CFAP43: variants seen among roughly 807,000 people sequenced by gnomAD.
CFAP43 encodes cilia- and flagella-associated protein 43.
In CFAP43, 155 loss-of-function variants were observed where a neutral mutation model predicts 218.9. That is an observed-to-expected ratio of 0.71 (90% confidence interval 0.62 to 0.81). CFAP43 has a LOEUF of 0.81. Among genes scored for constraint, CFAP43 ranks in the 30% least tolerant of loss-of-function variants. The probability of loss-of-function intolerance (pLI) is 0.00; values close to 1 mark genes in which losing one functional copy is unlikely to be tolerated. For synonymous variants in CFAP43, 645 were observed against 681.3 expected (o/e 0.95, Z 0.83); for missense variants, 1,778 against 1,954.3 (o/e 0.91, Z 1.70).
At position 104,203,818 on chromosome 10, in the gene CFAP43, G is replaced by C; in HGVS notation, c.964-15C>G. The C allele has an allele frequency of 1.3e-6, 2 of 1,582,688 alleles. No homozygotes were observed. The highest frequency in any genetic ancestry group is 1.7e-6 in the Non-Finnish European group (2 of 1,168,530). On this transcript the variant is annotated splice_polypyrimidine_tract_variant and intron_variant, in intron 7 of 37. Coordinates refer to ENST00000357060, the MANE Select transcript of CFAP43 (RefSeq NM_025145.7). ...ACAAAGCCATCCTAGAGATGAGTGAGATAAACATAGAAAATCAGTCTTAGT... is the reference window on the plus strand; with the variant it reads ...ACAAAGCCATCCTAGAGATGAGTGACATAAACATAGAAAATCAGTCTTAGT...
chr10:104,164,381 T>A, intron 23 of CFAP43, 81 bp from the exon 24 acceptor site: 14 of 1,082,788 alleles, frequency 1.3e-5, no homozygotes, highest in African/African-American at 1.6e-5. Flanking sequence ...ATACTTTCCC[T>A]CTAAAATCAT....
intron 12 of CFAP43, among the ~76,000 whole-genome samples, chr10:104,188,667 C>G (rs1359986713): frequency 6.6e-6 from 1 of 152,138 alleles, no homozygotes; most frequent in Non-Finnish European, 1.5e-5. Context: ...CCTTCCCAGC[C>G]AGGGTGGCCC....
At chr10:104,179,501 T>A (rs2089749442) in intron 18 of CFAP43, among the ~76,000 whole-genome samples, 1 of 152,182 alleles carries the variant, frequency 6.6e-6, no homozygotes, top group Non-Finnish European at 1.5e-5. Flanking sequence ...CTTCCCCTGT[T>A]CCTGGTCCAC....
intron 28 of CFAP43, among the ~76,000 whole-genome samples, chr10:104,152,188 C>T (rs1312607051): frequency 6.6e-6 from 1 of 152,084 alleles, no homozygotes; most frequent in African/African-American, 2.4e-5. Context: ...CCTCATGGAG[C>T]ATCTAGTCTT....
In CFAP43 at chr10:104,164,162, C is replaced by T; in HGVS notation, c.3178G>A (p.Ala1060Thr). The change falls in exon 24 of 38, where the codon GCA becomes ACA. Residue 1060 changes from alanine to threonine, a missense_variant. By Grantham distance (58) the Ala-to-Thr change is moderately conservative. Transcript: ENST00000357060. ...TCTTCAAATTCTGGTTGCCAGACTGCTTCTTCCAATTCCAGATCTAAAATA... is the reference window on the plus strand; with the variant it reads ...TCTTCAAATTCTGGTTGCCAGACTGTTTCTTCCAATTCCAGATCTAAAATA... ...EIILDLELEE[A>T]VWQPEFEDCE... 1 of 1,614,214 alleles carries T rather than the reference C, an allele frequency of 6.2e-7. No homozygotes were observed. The highest frequency in any genetic ancestry group is 8.5e-7 in the Non-Finnish European group (1 of 1,180,034).
In CFAP43 at chr10:104,147,083, C is replaced by T. The variant is rs115382288; in HGVS notation, c.3769-734G>A. ...CCAAGCTCTGAATAAACAGCATCTG[C>T]TCATTTGCATTTGGATGTTCTTCAC... On this transcript the variant is annotated intron_variant, in intron 29 of 37. Coordinates refer to ENST00000357060, the MANE Select transcript of CFAP43 (RefSeq NM_025145.7). 3.2e-3 allele frequency among the ~76,000 whole-genome samples: 479 copies of T among 152,052 alleles called. 2 individuals carry two copies. The highest frequency in any genetic ancestry group is 0.011 in the African/African-American group (455 of 41,472).
chr10:104,172,660 C>T, intron 19 of CFAP43, 125 bp from the exon 20 acceptor site: 3 of 813,294 alleles, frequency 3.7e-6, no homozygotes, highest in South Asian at 2.2e-5. Context: ...AAATGTACTA[C>T]TAAGTAAATA....
intron 3 of CFAP43, among the ~76,000 whole-genome samples, chr10:104,225,085 C>T (rs1353372569): frequency 6.6e-6 from 1 of 152,144 alleles, no homozygotes; most frequent in Non-Finnish European, 1.5e-5. Context: ...ACAACAATTA[C>T]TTTAAACTGA....
At chr10:104,147,775 G>A (rs1228080944) in intron 29 of CFAP43, 116 bp downstream of exon 29, 2 of 571,750 alleles carry the variant, frequency 3.5e-6, no homozygotes, top group Non-Finnish European at 2.8e-6. Flanking sequence ...GATGCACATG[G>A]TTATGTAGGA....
At chr10:104,227,939 C>T (rs747012326) in intron 2 of CFAP43, among the ~76,000 whole-genome samples, 5 of 145,376 alleles carry the variant, frequency 3.4e-5, no homozygotes, top group Non-Finnish European at 6.0e-5. Flanking sequence ...CTCCGCCTCC[C>T]GGGTTCAAGC....
chr10:104,137,530 G>A (rs530751232), intron 34 of CFAP43, among the ~76,000 whole-genome samples: 3 of 152,256 alleles, frequency 2.0e-5, no homozygotes, highest in Non-Finnish European at 2.9e-5. Flanking sequence ...TTCTGAGGCC[G>A]GGTGGGGTGC....
chr10:104,144,113 T>A (rs117033295), intron 31 of CFAP43, among the ~76,000 whole-genome samples: 1,612 of 152,298 alleles, frequency 0.011, 14 homozygotes, highest in Admixed American at 0.019. Flanking sequence ...ACTATCAAGA[T>A]GCTTTACAGT....
At chr10:104,134,743 C>A (rs1216217505) in intron 34 of CFAP43, among the ~76,000 whole-genome samples, 1 of 151,832 alleles carries the variant, frequency 6.6e-6, no homozygotes, top group Non-Finnish European at 1.5e-5. Context: ...TATCAAAAAC[C>A]TCCCAAAAAA....
chr10:104,177,939 C>A (rs1332483315), intron 19 of CFAP43, among the ~76,000 whole-genome samples: 2 of 152,150 alleles, frequency 1.3e-5, no homozygotes, highest in Non-Finnish European at 2.9e-5. Flanking sequence ...CTCTCATGTA[C>A]CCTTTCTCAA....
chr10:104,167,786 G>C, intron 21 of CFAP43, 49 bp from the exon 22 acceptor site: 1 of 1,418,282 alleles, frequency 7.1e-7, no homozygotes, highest in Non-Finnish European at 9.7e-7. Context: ...TAGTATAATT[G>C]TGTGTATCTG....
chr10:104,226,926 G>A (rs2091318526), intron 2 of CFAP43, among the ~76,000 whole-genome samples: 3 of 152,036 alleles, frequency 2.0e-5, no homozygotes, highest in African/African-American at 7.3e-5. Flanking sequence ...GCTGAGGCAG[G>A]CGAATCGCTT....
chr10:104,143,526 T>C lies in CFAP43; in HGVS notation c.4058A>G (p.Asp1353Gly). Residue 1353 changes from aspartate (D) to glycine (G), a missense_variant, in exon 32 of 38, where the codon GAT becomes GGT. Asp to Gly is a moderately conservative substitution (Grantham distance 94). Transcript: ENST00000357060. ...DAFAQLMKAM[D>G]ELDNISNMPE... ...CATGTTACTAATATTGTCCAACTCA[T>C]CCATAGCTTTCATTAACTGGGCAAA... 6.2e-7 allele frequency: 1 copy of C among 1,614,216 alleles called. No homozygotes were observed. The highest frequency in any genetic ancestry group is 8.5e-7 in the Non-Finnish European group (1 of 1,180,034).
At chr10:104,158,077 A>C (rs2088669655) in intron 27 of CFAP43, among the ~76,000 whole-genome samples, 1 of 152,226 alleles carries the variant, frequency 6.6e-6, no homozygotes, top group African/African-American at 2.4e-5. Flanking sequence ...AAACACATTA[A>C]GTTAGAGTAT....
At position 104,187,320 on chromosome 10, in the gene CFAP43, T is replaced by C; in HGVS notation, c.1860A>G (p.Glu620=). 6.3e-7 allele frequency: 1 copy of C among 1,594,930 alleles called. No homozygotes were observed. The highest frequency in any genetic ancestry group is 8.5e-7 in the Non-Finnish European group (1 of 1,174,148). The change falls in exon 14 of 38, where the codon GAA becomes GAG. Residue 620 remains glutamate, a splice_region_variant and synonymous_variant. Coordinates refer to ENST00000357060, the MANE Select transcript of CFAP43 (RefSeq NM_025145.7). ...AGAGCACACTTAAGTGTTGACATACTTCTTCAGGAAGAAGGTAGCTACAGA... is the reference window on the plus strand; with the variant it reads ...AGAGCACACTTAAGTGTTGACATACCTCTTCAGGAAGAAGGTAGCTACAGA... ...PYICSYLLPE[E]EHTGIYILKP...
Sources: gnomAD v4.1 joint callset for allele counts (sites outside exome capture counted in the v4.1 genomes callset) on GRCh38, gnomAD v4.1.1 for gene constraint, MANE v1.5 for transcripts, NCBI Gene and HGNC (gene_info 2026-07-23, HGNC 2026-07-21) for gene names.